The following PHF2 variants were observed in gnomAD, a reference collection of about 807,000 sequenced individuals.
PHF2 encodes PHD finger protein 2.
A neutral mutation model predicts 120.5 loss-of-function variants in PHF2; 27 were observed. The ratio of observed to expected loss-of-function variants is 0.22; its 90% CI spans 0.17 to 0.31. The LOEUF (loss-of-function observed/expected upper bound fraction) is 0.31, where lower values mean the gene tolerates loss of function less well. Among genes scored for constraint, PHF2 ranks in the 10% least tolerant of loss-of-function variants. The pLI is 1.00. For missense variants in PHF2, 1,024 were observed against 1,434.8 expected, an observed-to-expected ratio of 0.71 and a Z score of 4.63; for synonymous variants, 568 against 592.5, an observed-to-expected ratio of 0.96 and a Z score of 0.60.
In PHF2 at chr9:93,667,256, C is replaced by G; in HGVS notation, c.2348+16C>G. 1 of 1,603,448 alleles carries G rather than the reference C, an allele frequency of 6.2e-7. No homozygotes were observed. The highest frequency in any genetic ancestry group is 8.5e-7 in the Non-Finnish European group (1 of 1,175,980). On this transcript the variant is annotated intron_variant, in intron 17 of 21. Coordinates refer to ENST00000359246, the MANE Select transcript of PHF2 (RefSeq NM_005392.4). ...ACCCCAGCAGGTGGGCCCCACCACC[C>G]GGCAGCACCCAAGAGCGGGGACCAG...
At chr9:93,635,845 A>G (rs1393631521) in intron 2 of PHF2, among the ~76,000 whole-genome samples, 1 of 152,132 alleles carries the variant, frequency 6.6e-6, no homozygotes, top group Non-Finnish European at 1.5e-5. Context: ...GGTGGGGTAG[A>G]CAGGCCCAGG....
chr9:93,670,525 A>T (rs1229511833), intron 17 of PHF2, among the ~76,000 whole-genome samples: 1 of 152,190 alleles, frequency 6.6e-6, no homozygotes, highest in Non-Finnish European at 1.5e-5. Flanking sequence ...GTGCACAGAC[A>T]GGTGAGGGTC....
intron 7 of PHF2, 126 bp from the exon 8 acceptor site, chr9:93,655,808 G>A: frequency 1.5e-6 from 1 of 659,492 alleles, no homozygotes. Context: ...TAGGCGGGCA[G>A]GAGCTGGAGC....
At position 93,665,855 on chromosome 9, in the gene PHF2, G is replaced by A; in HGVS notation, c.2107G>A (p.Asp703Asn). The A allele has an allele frequency of 6.2e-7, 1 of 1,611,134 alleles. No homozygotes were observed. The highest frequency in any genetic ancestry group is 8.5e-7 in the Non-Finnish European group (1 of 1,178,736). Residue 703 changes from aspartate (D) to asparagine (N), a missense_variant, in exon 15 of 22, where the codon GAC becomes AAC. Asp to Asn is a conservative substitution (Grantham distance 23, BLOSUM62 1). Around this residue, in one of 2 missense-constraint regions of PHF2, gnomAD observed 677 missense variants for 857.4 expected, o/e 0.79. Transcript: ENST00000359246. ...IRRKKNAPKR[D>N]LSFLLDKKAV... Reference sequence around the variant, plus strand: ...GAGGAAGAAAAACGCCCCGAAAAGGGACTTGTCCTGTGAGTTGGGAGGGGG... The same window carrying A: ...GAGGAAGAAAAACGCCCCGAAAAGGAACTTGTCCTGTGAGTTGGGAGGGGG...
intron 3 of PHF2, among the ~76,000 whole-genome samples, chr9:93,636,739 T>C (rs1826100274): frequency 1.3e-5 from 2 of 152,158 alleles, no homozygotes; most frequent in South Asian, 4.1e-4. Context: ...TGGTCAGCAC[T>C]TCCCTGGGGG....
At chr9:93,594,407 G>C (rs1444894271) in intron 1 of PHF2, among the ~76,000 whole-genome samples, 1 of 152,174 alleles carries the variant, frequency 6.6e-6, no homozygotes, top group Non-Finnish European at 1.5e-5. Flanking sequence ...GCCTCTTCAG[G>C]CTGATAGGTT....
At chr9:93,631,896 A>G (rs564998360) in intron 2 of PHF2, among the ~76,000 whole-genome samples, 2 of 152,046 alleles carry the variant, frequency 1.3e-5, no homozygotes, top group Non-Finnish European at 2.9e-5. Flanking sequence ...GTAGAAAAGA[A>G]AGTGTCAGAA....
At chr9:93,584,801 G>A (rs559940046) in intron 1 of PHF2, among the ~76,000 whole-genome samples, 7 of 152,312 alleles carry the variant, frequency 4.6e-5, no homozygotes, top group South Asian at 4.2e-4. Flanking sequence ...TTTTGATAGG[G>A]ATTGTGTTCA....
rs375129340 is a variant in PHF2, at chr9:93,657,531, A to G, written c.1148-614A>G. ...AGCCTGACTACTGGCCAGCCAGGCC[A>G]CTGTGGCCATATCCTCTCTGCCTGA... On this transcript the variant is annotated intron_variant, in intron 9 of 21. Coordinates refer to ENST00000359246, the MANE Select transcript of PHF2 (RefSeq NM_005392.4). Among the ~76,000 whole-genome samples the G allele has an allele frequency of 9.8e-4, 149 of 152,330 alleles. 1 individual carries two copies. The East Asian group carries it at 0.026, about 27-fold the overall frequency.
At chr9:93,651,725 G>A (rs1379676910) in intron 5 of PHF2, among the ~76,000 whole-genome samples, 2 of 152,198 alleles carry the variant, frequency 1.3e-5, no homozygotes, top group Non-Finnish European at 1.5e-5. Context: ...GTGGCCTTGC[G>A]TGTCCATGGG....
intron 2 of PHF2, among the ~76,000 whole-genome samples, chr9:93,633,796 A>G (rs1003163101): frequency 1.3e-5 from 2 of 152,028 alleles, no homozygotes; most frequent in African/African-American, 4.8e-5. Flanking sequence ...GACCATGCAG[A>G]CAGGTGACGG....
chr9:93,585,758 T>C (rs964069902), intron 1 of PHF2, among the ~76,000 whole-genome samples: 8 of 152,246 alleles, frequency 5.3e-5, no homozygotes, highest in Non-Finnish European at 8.8e-5. Context: ...ATTGTAGCTT[T>C]GTGATTTTGT....
In PHF2 at chr9:93,677,454, A is replaced by G. The variant is rs1366454099; in HGVS notation, c.3203-134A>G. The G allele has an allele frequency of 7.1e-6, 5 of 705,060 alleles. No individual in the cohort carries two copies. Among genetic ancestry groups the G allele is most frequent in the Admixed American group, 6.8e-5 (3 of 44,248 alleles). 43.7% of individuals were successfully genotyped at this position (705,060 alleles called of 1,614,324 possible). A position where few individuals can be genotyped will look rare whatever the true frequency, so the allele number is the denominator to read the frequency against. On this transcript the variant is annotated intron_variant, in intron 21 of 21. Transcript: ENST00000359246. The surrounding 1 kb of genome is among the most constrained non-coding windows in gnomAD (Gnocchi z 4.4). The stretch of plus-strand genomic sequence containing the variant: ...GTGCTGAGCTCGGAGCTGGGGCTTC[A>G]TAGGCCCATTTTACAGATGGGGGAC...
chr9:93,648,029 G>T (rs556261945), intron 4 of PHF2, among the ~76,000 whole-genome samples: 4 of 152,128 alleles, frequency 2.6e-5, no homozygotes. Flanking sequence ...TTGGTGGCAC[G>T]TAAGACCCAG....
intron 1 of PHF2, among the ~76,000 whole-genome samples, chr9:93,600,966 A>G (rs1478173517): frequency 6.6e-6 from 1 of 152,202 alleles, no homozygotes; most frequent in African/African-American, 2.4e-5. Context: ...GTATTTCTGG[A>G]TTTATAAATG....
intron 10 of PHF2, among the ~76,000 whole-genome samples, chr9:93,659,052 G>A (rs1209865393): frequency 6.6e-6 from 1 of 152,232 alleles, no homozygotes; most frequent in Non-Finnish European, 1.5e-5. Flanking sequence ...AAGCCTTCAG[G>A]GAATACAGGC....
At chr9:93,649,604 GAC>G (rs1300933927) in intron 5 of PHF2, among the ~76,000 whole-genome samples, 1 of 151,664 alleles carries the variant, frequency 6.6e-6, no homozygotes, top group Non-Finnish European at 1.5e-5. Flanking sequence ...ACACATCTAT[GAC>G]ACACCCACTT....
chr9:93,630,338 C>T (rs746665203), intron 2 of PHF2, among the ~76,000 whole-genome samples: 15 of 152,256 alleles, frequency 9.9e-5, no homozygotes, highest in Non-Finnish European at 1.8e-4. Flanking sequence ...CCAGGCCAGC[C>T]TGAGTTAGGG....
chr9:93,651,505 G>T (rs1408059990), intron 5 of PHF2, among the ~76,000 whole-genome samples: 4 of 152,142 alleles, frequency 2.6e-5, no homozygotes, highest in Non-Finnish European at 5.9e-5. Context: ...TCATCATTAA[G>T]TCTGTCCCCA....
Sources: allele counts gnomAD v4.1 joint callset (sites outside exome capture counted in the v4.1 genomes callset), GRCh38; gene constraint gnomAD v4.1.1; regional missense constraint gnomAD v4.1.1; non-coding constraint Gnocchi (gnomAD v3.1); transcripts MANE v1.5; gene names NCBI Gene and HGNC (gene_info 2026-07-23, HGNC 2026-07-21).